The following R3HDM1 variants were observed in gnomAD, a reference collection of about 807,000 sequenced individuals.
R3HDM1 encodes the protein R3H domain-containing protein 1.
In R3HDM1, 46 loss-of-function variants were observed where a neutral mutation model predicts 141.1. The observed-to-expected ratio is 0.33, with a 90% CI of 0.26 to 0.42. R3HDM1 has a LOEUF of 0.42. Among genes scored for constraint, R3HDM1 ranks in the 10% least tolerant of loss-of-function variants. The pLI, the probability that R3HDM1 is intolerant of heterozygous loss-of-function variation, is 1.00. For missense variants in R3HDM1, 1,184 were observed against 1,368.3 expected (o/e 0.87, Z 2.12); for synonymous variants, 435 against 472.9 (o/e 0.92, Z 1.04).
chr2:135,666,578 T>C (rs1347291299), intron 19 of R3HDM1, among the ~76,000 whole-genome samples: 1 of 152,226 alleles, frequency 6.6e-6, no homozygotes, highest in Non-Finnish European at 1.5e-5. Context: ...ACAGATTTCC[T>C]TGAGTTGTAT....
intron 19 of R3HDM1, among the ~76,000 whole-genome samples, chr2:135,664,301 A>G (rs1211581825): frequency 1.3e-5 from 2 of 152,038 alleles, no homozygotes; most frequent in African/African-American, 4.8e-5. Context: ...TATCTCTTAT[A>G]TTTGTATTTC....
intron 5 of R3HDM1, among the ~76,000 whole-genome samples, chr2:135,617,997 G>A (rs79952503): frequency 0.013 from 1,965 of 152,196 alleles, 32 homozygotes; most frequent in African/African-American, 0.043. Flanking sequence ...TAGGATAGTT[G>A]TCACATATTT....
intron 3 of R3HDM1, among the ~76,000 whole-genome samples, chr2:135,612,534 G>A (rs1425907899): frequency 1.3e-5 from 2 of 151,958 alleles, no homozygotes; most frequent in Admixed American, 1.3e-4. Context: ...CAACGTATTA[G>A]TATCAATTTC....
chr2:135,709,478 AT>A lies in R3HDM1; in HGVS notation c.2508del (p.Pro837LeufsTer30). The A allele has an allele frequency of 6.2e-7, 1 of 1,614,130 alleles. No individual in the cohort carries two copies. ...AACATCCAGGATCAGAACAAGTACA[AT>A]TTCCTCGAACCACTTCACCATGCAG... ...LQHPGSEQVQFPRTTSPCSSQ... is the reference protein window; with the variant it reads ...LQHPGSEQVQXPRTTSPCSSQ... On this transcript the variant is annotated frameshift_variant, in exon 22 of 27. Coordinates refer to ENST00000683871, the MANE Select transcript of R3HDM1 (RefSeq NM_001378107.1). LOFTEE classifies it high-confidence loss of function.
chr2:135,664,920 A>G (rs2067270200), intron 19 of R3HDM1, among the ~76,000 whole-genome samples: 1 of 152,186 alleles, frequency 6.6e-6, no homozygotes, highest in Non-Finnish European at 1.5e-5. Context: ...ACTTAAAGCC[A>G]CTGAGTTTCA....
chr2:135,654,177 A>T (rs895010743), intron 18 of R3HDM1, among the ~76,000 whole-genome samples: 3 of 151,950 alleles, frequency 2.0e-5, no homozygotes, highest in Non-Finnish European at 2.9e-5. Flanking sequence ...TCTGTCTCCT[A>T]TGGTTTTACC....
intron 20 of R3HDM1, among the ~76,000 whole-genome samples, chr2:135,677,757 C>G (rs1205601129): frequency 6.6e-6 from 1 of 152,020 alleles, no homozygotes; most frequent in East Asian, 1.9e-4. Flanking sequence ...AAGTGTGGCT[C>G]CTACTACATT....
chr2:135,682,812 C>T (rs2070563083), intron 21 of R3HDM1, among the ~76,000 whole-genome samples: 1 of 152,060 alleles, frequency 6.6e-6, no homozygotes, highest in Non-Finnish European at 1.5e-5. Context: ...GCCTGGCCAA[C>T]ATGGTGAAAC....
chr2:135,611,377 A>T (rs2060536054), intron 3 of R3HDM1, among the ~76,000 whole-genome samples: 1 of 152,138 alleles, frequency 6.6e-6, no homozygotes, highest in African/African-American at 2.4e-5. Flanking sequence ...CTCCAGCCTG[A>T]GTGACAGAGT....
chr2:135,685,179 G>C (rs2071117669), intron 21 of R3HDM1, among the ~76,000 whole-genome samples: 1 of 151,994 alleles, frequency 6.6e-6, no homozygotes, highest in Admixed American at 6.6e-5. Flanking sequence ...GTAATATTAT[G>C]TCATCCTGGC....
At position 135,638,563 on chromosome 2, in the gene R3HDM1, G is replaced by T. The variant is rs552830588; in HGVS notation, c.904-55G>T. On this transcript the variant is annotated intron_variant, in intron 11 of 26. Coordinates refer to ENST00000683871, the MANE Select transcript of R3HDM1 (RefSeq NM_001378107.1). ...TGTTGTCATCATTGGTTTACAGATG[G>T]CATTACGTTATATTTGACAAAAGCT... 20 of 1,499,672 alleles carry T rather than the reference G, an allele frequency of 1.3e-5. No individual in the cohort carries two copies. The East Asian group carries it at 4.5e-4, about 34-fold the overall frequency. 92.9% of individuals were successfully genotyped at this position (1,499,672 alleles called of 1,614,324 possible). A position where few individuals can be genotyped will look rare whatever the true frequency, so the allele number is the denominator to read the frequency against.
intron 9 of R3HDM1, 80 bp downstream of exon 9, chr2:135,632,081 G>T (rs1364267780): frequency 8.6e-7 from 1 of 1,167,780 alleles, no homozygotes; most frequent in Non-Finnish European, 1.1e-6. Context: ...TTCATCTGAG[G>T]TTTTCCACAT....
intron 1 of R3HDM1, among the ~76,000 whole-genome samples, chr2:135,553,224 G>A (rs1486983514): frequency 3.3e-5 from 5 of 152,226 alleles, no homozygotes; most frequent in African/African-American, 1.2e-4. Flanking sequence ...TCTAGATTAT[G>A]TTTGCTTAGA....
intron 1 of R3HDM1, among the ~76,000 whole-genome samples, chr2:135,569,556 A>G (rs980391644): frequency 2.0e-5 from 3 of 152,136 alleles, no homozygotes; most frequent in Admixed American, 1.3e-4. Flanking sequence ...TTATAGAGCC[A>G]GACCACTCAC....
rs76988893 is a variant in R3HDM1 at position 135,674,904 on chromosome 2, T to C, written c.2153-428T>C. On this transcript the variant is annotated intron_variant, in intron 19 of 26. Transcript: ENST00000683871. Reference sequence around the variant, plus strand: ...GAGCCCCATGCTTGTGTTAATATTCTGTTGTTACCAACTTGAAATTCTTAA... The same window carrying C: ...GAGCCCCATGCTTGTGTTAATATTCCGTTGTTACCAACTTGAAATTCTTAA... Among the ~76,000 whole-genome samples the C allele has an allele frequency of 0.011, 1,612 of 152,196 alleles. 98 individuals are homozygous for C. In the East Asian group the frequency reaches 0.19, roughly 18 times the overall value.
intron 7 of R3HDM1, among the ~76,000 whole-genome samples, chr2:135,630,493 T>C (rs564073177): frequency 2.0e-5 from 3 of 152,186 alleles, no homozygotes; most frequent in East Asian, 3.9e-4. Flanking sequence ...TAGACATGTT[T>C]TTCTGTTGAT....
chr2:135,641,480 C>A, intron 14 of R3HDM1, 56 bp from the exon 15 acceptor site: 2 of 1,508,010 alleles, frequency 1.3e-6, no homozygotes, highest in East Asian at 2.3e-5. Context: ...TTTTAAAAAC[C>A]TGTGTTTTTT....
At chr2:135,701,014 T>G (rs1009339201) in intron 21 of R3HDM1, among the ~76,000 whole-genome samples, 1 of 152,002 alleles carries the variant, frequency 6.6e-6, no homozygotes, top group Non-Finnish European at 1.5e-5. Flanking sequence ...TTAGGCACAG[T>G]GATAGATTAA....
chr2:135,710,977 T>A (rs969565153), intron 23 of R3HDM1, among the ~76,000 whole-genome samples: 4 of 152,174 alleles, frequency 2.6e-5, no homozygotes, highest in Admixed American at 6.5e-5. Context: ...TAAAAAAAAA[T>A]TTTGAGAGGT....
Sources: allele counts gnomAD v4.1 joint callset (sites outside exome capture counted in the v4.1 genomes callset), GRCh38; gene constraint gnomAD v4.1.1; transcripts MANE v1.5; gene names NCBI Gene and HGNC (gene_info 2026-07-23, HGNC 2026-07-21).